Variants in SRPK2 observed in about 807,000 individuals in gnomAD.
The protein encoded by SRPK2 is SRSF protein kinase 2, also known as SFRS protein kinase 2.
Under a neutral mutation model 90.8 loss-of-function variants are expected in SRPK2, and 21 were observed. That is an observed-to-expected ratio of 0.23 (90% confidence interval 0.16 to 0.33). The LOEUF (loss-of-function observed/expected upper bound fraction) is 0.33. Among genes scored for constraint, SRPK2 ranks in the 10% least tolerant of loss-of-function variants. The pLI, the probability that SRPK2 is intolerant of heterozygous loss-of-function variation, is 1.00. For synonymous variants in SRPK2, 288 were observed against 311.1 expected (o/e 0.93, Z 0.78); for missense variants, 620 against 869.0 (o/e 0.71, Z 3.60).
At chr7:105,340,654 T>C (rs2131871552) in intron 2 of SRPK2, among the ~76,000 whole-genome samples, 1 of 152,230 alleles carries the variant, frequency 6.6e-6, no homozygotes, top group African/African-American at 2.4e-5. Context: ...ATGTTTTCCA[T>C]GCTTATCTCA....
rs3216265 is a variant in SRPK2, at chr7:105,122,880, GT to G, written c.1915+3367del. Among the ~76,000 whole-genome samples the G allele has an allele frequency of 5.0e-3, 724 of 145,656 alleles. 1 individual carries two copies. Among genetic ancestry groups the G allele is most frequent in the African/African-American group, 9.1e-3 (364 of 39,966 alleles). Reference sequence around the variant, plus strand: ...ACTCGATGCTGTCATCTAGAGACCAGTTTTTTTTTTTTAAGTAAACTGTCTC... The same window carrying G: ...ACTCGATGCTGTCATCTAGAGACCAGTTTTTTTTTTTAAGTAAACTGTCTC... On this transcript the variant is annotated intron_variant, in intron 15 of 15. Transcript: ENST00000393651.
chr7:105,145,324 A>C lies in SRPK2; in HGVS notation c.788-16T>G, dbSNP rs1332962040. ...GCCGTACTCACTAAAATAAAATCAA[A>C]CAAAATCTGTATTTAGCAGAAAACA... is the stretch of plus-strand genomic sequence containing the variant. On this transcript the variant is annotated splice_polypyrimidine_tract_variant and intron_variant, in intron 8 of 15. Transcript: ENST00000393651. The C allele has an allele frequency of 1.3e-6, 2 of 1,584,842 alleles. No individual in the cohort carries two copies. Among genetic ancestry groups the C allele is most frequent in the Admixed American group, 3.6e-5 (2 of 56,074 alleles).
chr7:105,222,519 T>C (rs1798222086), intron 2 of SRPK2, among the ~76,000 whole-genome samples: 1 of 152,226 alleles, frequency 6.6e-6, no homozygotes, highest in East Asian at 1.9e-4. Flanking sequence ...GAAAATAGTT[T>C]TTTAACCATA....
intron 2 of SRPK2, among the ~76,000 whole-genome samples, chr7:105,320,767 T>C (rs1265673808): frequency 6.6e-6 from 1 of 152,148 alleles, no homozygotes; most frequent in Non-Finnish European, 1.5e-5. Context: ...AAATCAGACC[T>C]TGGCAATGAC....
chr7:105,115,891 G>A (rs577537682), downstream of SRPK2, among the ~76,000 whole-genome samples: 44 of 152,140 alleles, frequency 2.9e-4, no homozygotes, highest in Admixed American at 9.2e-4. Flanking sequence ...TAGAAATCAC[G>A]GATAGCATCA....
In SRPK2 at chr7:105,117,638, A is replaced by T; in HGVS notation, c.*200T>A. On this transcript the variant is annotated 3_prime_UTR_variant, in exon 16 of 16. Coordinates refer to ENST00000393651, the MANE Select transcript of SRPK2 (RefSeq NM_182692.3). ...GAAGAAAATGGTCAGTAAACTACTT[A>T]GCTGAAGACAAAAGACTACCCTTCC... The T allele has an allele frequency of 1.7e-6, 1 of 588,570 alleles. No homozygotes were observed. The allele number at this position is 588,570 out of a possible 1,614,324, so 36.5% of individuals were successfully genotyped here. A position where few individuals can be genotyped will look rare whatever the true frequency, so the allele number is the denominator to read the frequency against.
chr7:105,233,280 A>G (rs1027452955), intron 2 of SRPK2, among the ~76,000 whole-genome samples: 2 of 152,206 alleles, frequency 1.3e-5, no homozygotes, highest in Non-Finnish European at 2.9e-5. Flanking sequence ...GCAGTTGACA[A>G]GAGAATGCAG....
chr7:105,267,958 A>T (rs932323088), intron 2 of SRPK2, among the ~76,000 whole-genome samples: 1 of 152,234 alleles, frequency 6.6e-6, no homozygotes, highest in Non-Finnish European at 1.5e-5. Context: ...AAAGGTAAGC[A>T]TCAACTGTAT....
At chr7:105,190,640 A>C (rs1794165615) in intron 3 of SRPK2, among the ~76,000 whole-genome samples, 1 of 152,116 alleles carries the variant, frequency 6.6e-6, no homozygotes, top group African/African-American at 2.4e-5. Flanking sequence ...GACCATCCTC[A>C]CGTTCAATAA....
intron 2 of SRPK2, among the ~76,000 whole-genome samples, chr7:105,218,510 G>C (rs574974929): frequency 3.3e-5 from 5 of 152,250 alleles, no homozygotes; most frequent in African/African-American, 7.2e-5. Flanking sequence ...TGAGTTTATG[G>C]TCCAAACACA....
At chr7:105,195,016 T>C (rs1794743376) in intron 3 of SRPK2, among the ~76,000 whole-genome samples, 1 of 152,222 alleles carries the variant, frequency 6.6e-6, no homozygotes, top group Admixed American at 6.5e-5. Flanking sequence ...TGCTGACATT[T>C]TGGCACTGCT....
chr7:105,333,158 C>G (rs549116626), intron 2 of SRPK2, among the ~76,000 whole-genome samples: 37 of 152,292 alleles, frequency 2.4e-4, no homozygotes, highest in African/African-American at 8.9e-4. Flanking sequence ...CGTGCCACTG[C>G]ACTCCAGCCT....
chr7:105,391,225 G>C (rs1412539931), upstream of SRPK2, among the ~76,000 whole-genome samples: 1 of 124,306 alleles, frequency 8.0e-6, no homozygotes, highest in Non-Finnish European at 1.7e-5. Flanking sequence ...TATTTATTGA[G>C]ATGGAATTTC....
At chr7:105,146,731 A>C in intron 7 of SRPK2, 73 bp from the exon 8 acceptor site, 1 of 1,449,684 alleles carries the variant, frequency 6.9e-7, no homozygotes, top group Non-Finnish European at 9.5e-7. Context: ...TATTTGAAAA[A>C]CATGTAATAC....
At chr7:105,376,927 TAACTA>T (rs1278157198) in intron 2 of SRPK2, among the ~76,000 whole-genome samples, 2 of 142,706 alleles carry the variant, frequency 1.4e-5, no homozygotes, top group Non-Finnish European at 3.0e-5. Context: ...GCTTATTCAA[TAACTA>T]ATCTTAAGAA....
intron 7 of SRPK2, among the ~76,000 whole-genome samples, chr7:105,149,477 A>G (rs530851785): frequency 4.6e-5 from 7 of 151,368 alleles, no homozygotes; most frequent in Non-Finnish European, 7.3e-5. Context: ...TAATGAAGAT[A>G]ATAATCAATA....
At chr7:105,328,939 A>G (rs1376769324) in intron 2 of SRPK2, among the ~76,000 whole-genome samples, 1 of 152,076 alleles carries the variant, frequency 6.6e-6, no homozygotes, top group Non-Finnish European at 1.5e-5. Flanking sequence ...TCAGACACTC[A>G]GGAGGCTGAC....
At chr7:105,278,293 C>T (rs1424639673) in intron 2 of SRPK2, among the ~76,000 whole-genome samples, 10 of 142,924 alleles carry the variant, frequency 7.0e-5, no homozygotes, top group Admixed American at 5.0e-4. Context: ...CCAGCCTGGG[C>T]GACACAGCGA....
chr7:105,214,879 T>C (rs769863255), intron 2 of SRPK2, among the ~76,000 whole-genome samples: 5 of 152,244 alleles, frequency 3.3e-5, no homozygotes, highest in South Asian at 4.1e-4. Flanking sequence ...GGTCCCAGAA[T>C]AGTCAAACAA....
Sources: gnomAD v4.1 joint callset for allele counts (sites outside exome capture counted in the v4.1 genomes callset) on GRCh38, gnomAD v4.1.1 for gene constraint, MANE v1.5 for transcripts, NCBI Gene and HGNC (gene_info 2026-07-23, HGNC 2026-07-21) for gene names.